The following THSD7B variants were observed in gnomAD, a reference collection of about 807,000 sequenced individuals.
THSD7B encodes thrombospondin type 1 domain containing 7B.
THSD7B carries 138 observed loss-of-function variants against 213.6 expected under a neutral mutation model. The observed-to-expected ratio is 0.65, with a 90% CI of 0.56 to 0.74. The LOEUF (loss-of-function observed/expected upper bound fraction) is 0.74, where lower values mean the gene tolerates loss of function less well. THSD7B is among the 30% of genes least tolerant of loss of function. The pLI is 0.00. For missense variants in THSD7B, 1,931 were observed against 1,991.5 expected (o/e 0.97, Z 0.58); for synonymous variants, 742 against 687.0 (o/e 1.08, Z -1.25).
chr2:136,868,385 C>T (rs1030974066), intron 1 of THSD7B, among the ~76,000 whole-genome samples: 2 of 152,100 alleles, frequency 1.3e-5, no homozygotes, highest in African/African-American at 4.8e-5. Flanking sequence ...TGGTCAATGC[C>T]TAGACATAAT....
At chr2:136,769,352 C>A (rs191256430) in intron 1 of THSD7B, among the ~76,000 whole-genome samples, 4 of 152,106 alleles carry the variant, frequency 2.6e-5, no homozygotes, top group Non-Finnish European at 5.9e-5. Flanking sequence ...TATAGTCCAC[C>A]GGTGATTTAG....
intron 20 of THSD7B, among the ~76,000 whole-genome samples, chr2:137,624,422 G>A (rs1280165992): frequency 1.3e-5 from 2 of 152,130 alleles, no homozygotes; most frequent in African/African-American, 4.8e-5. Context: ...GCATGGGGAA[G>A]GACTTCATGT....
chr2:137,221,301 C>CAAAAA (rs1197058857), intron 7 of THSD7B, among the ~76,000 whole-genome samples: 2 of 151,884 alleles, frequency 1.3e-5, no homozygotes, highest in Admixed American at 1.3e-4. Context: ...AAAACAAAAA[C>CAAAAA]AAAAACAAAA....
chr2:137,619,747 C>T (rs1013006806), intron 19 of THSD7B, among the ~76,000 whole-genome samples: 1 of 152,118 alleles, frequency 6.6e-6, no homozygotes, highest in Non-Finnish European at 1.5e-5. Context: ...GTAAAAAATA[C>T]CAGTTTAAAG....
chr2:137,337,140 G>A (rs1286995361), intron 12 of THSD7B, among the ~76,000 whole-genome samples: 3 of 151,710 alleles, frequency 2.0e-5, no homozygotes, highest in Admixed American at 6.6e-5. Flanking sequence ...CAGGACATCA[G>A]CATTGGTATA....
At chr2:136,983,504 T>TA (rs201821247) in intron 2 of THSD7B, among the ~76,000 whole-genome samples, 35,478 of 131,620 alleles carry the variant, frequency 0.27, 4,701 homozygotes, top group East Asian at 0.63. Context: ...TAAAATCTGT[T>TA]TTTTTTTTTT....
intron 7 of THSD7B, among the ~76,000 whole-genome samples, chr2:137,213,056 AGAAACG>A (rs1681155913): frequency 1.3e-5 from 2 of 150,388 alleles, no homozygotes; most frequent in African/African-American, 2.4e-5. Flanking sequence ...AAGGTTATAC[AGAAACG>A]TTGTCAGGTA....
intron 2 of THSD7B, among the ~76,000 whole-genome samples, chr2:136,912,399 C>G (rs1684278264): frequency 6.6e-6 from 1 of 151,010 alleles, no homozygotes; most frequent in African/African-American, 2.4e-5. Flanking sequence ...GCGAGACTCC[C>G]TCTCAAAAAA....
intron 7 of THSD7B, among the ~76,000 whole-genome samples, chr2:137,220,398 A>G (rs115553705): frequency 2.3e-4 from 35 of 152,358 alleles, no homozygotes; most frequent in African/African-American, 7.7e-4. Flanking sequence ...CACCAAAGAT[A>G]TACGGATGGC....
chr2:136,911,139 A>T (rs1281042315), intron 2 of THSD7B, among the ~76,000 whole-genome samples: 1 of 152,204 alleles, frequency 6.6e-6, no homozygotes, highest in Non-Finnish European at 1.5e-5. Flanking sequence ...AGCAAAATCA[A>T]CTTTAAGGTT....
At chr2:137,254,261 ACT>A (rs1682254716) in intron 10 of THSD7B, among the ~76,000 whole-genome samples, 2 of 152,104 alleles carry the variant, frequency 1.3e-5, no homozygotes, top group African/African-American at 2.4e-5. Flanking sequence ...GGAATGATAG[ACT>A]CTCTGCCTTT....
chr2:137,047,901 C>G (rs899227005), intron 2 of THSD7B, among the ~76,000 whole-genome samples: 1 of 152,132 alleles, frequency 6.6e-6, no homozygotes, highest in Non-Finnish European at 1.5e-5. Context: ...AAGGTCTCTA[C>G]AGTTTTTTAT....
chr2:137,232,834 A>G, intron 8 of THSD7B, 65 bp from the exon 9 acceptor site: 2 of 1,472,060 alleles, frequency 1.4e-6, no homozygotes, highest in Non-Finnish European at 1.9e-6. Context: ...CCATTAAAGC[A>G]GCAGAAACAA....
At position 136,904,822 on chromosome 2, in the gene THSD7B, A is replaced by AGAG. The variant is rs1369029652; in HGVS notation, c.139+22505_139+22506insGAG. Among the ~76,000 whole-genome samples the AGAG allele has an allele frequency of 4.1e-3, 384 of 92,658 alleles. 5 individuals carry two copies. Among genetic ancestry groups the AGAG allele is most frequent in the Non-Finnish European group, 5.5e-3 (228 of 41,680 alleles). The allele number at this position is 92,658 out of a possible 152,430, so 60.8% of individuals were successfully genotyped here. On this transcript the variant is annotated intron_variant, in intron 2 of 27. Transcript: ENST00000409968. ...ATCTGAGAATAAAAAAAGAGAGAGA[A>AGAG]AAAAAATTATTTGCTTTCAGCAAAT...
intron 12 of THSD7B, among the ~76,000 whole-genome samples, chr2:137,320,510 T>C (rs1337039746): frequency 1.3e-5 from 2 of 152,236 alleles, no homozygotes; most frequent in African/African-American, 2.4e-5. Flanking sequence ...TAAAGCCTTA[T>C]TAACTTTGAG....
At chr2:136,889,921 A>G (rs1321641589) in intron 2 of THSD7B, among the ~76,000 whole-genome samples, 1 of 152,188 alleles carries the variant, frequency 6.6e-6, no homozygotes, top group Non-Finnish European at 1.5e-5. Flanking sequence ...TAGTACTGCT[A>G]AAATAGGGTG....
At chr2:136,894,669 C>T (rs996219375) in intron 2 of THSD7B, among the ~76,000 whole-genome samples, 6 of 152,092 alleles carry the variant, frequency 3.9e-5, no homozygotes, top group Non-Finnish European at 5.9e-5. Flanking sequence ...GAGACTTATT[C>T]TTTGGCCCTC....
At chr2:137,573,948 G>A (rs575011182) in intron 17 of THSD7B, among the ~76,000 whole-genome samples, 1 of 151,960 alleles carries the variant, frequency 6.6e-6, no homozygotes, top group African/African-American at 2.4e-5. Flanking sequence ...GAAGAAGAAG[G>A]GTAGCTGTTT....
At chr2:137,462,665 G>A (rs1687907534) in intron 15 of THSD7B, among the ~76,000 whole-genome samples, 1 of 151,900 alleles carries the variant, frequency 6.6e-6, no homozygotes, top group Admixed American at 6.6e-5. Context: ...CCTCAACATT[G>A]GCCCAAATAA....
Sources: gnomAD v4.1 joint callset for allele counts (sites outside exome capture counted in the v4.1 genomes callset) on GRCh38, gnomAD v4.1.1 for gene constraint, MANE v1.5 for transcripts, NCBI Gene and HGNC (gene_info 2026-07-23, HGNC 2026-07-21) for gene names.